Variants in NRIP1 observed in about 807,000 individuals in gnomAD.
NRIP1 encodes the protein nuclear receptor-interacting protein 1.
In NRIP1, 28 loss-of-function variants were observed where a neutral mutation model predicts 75.0. The ratio of observed to expected loss-of-function variants is 0.37; its 90% confidence interval spans 0.28 to 0.51. The LOEUF is 0.51. Ranked by LOEUF, NRIP1 falls within the 20% of genes least tolerant of loss-of-function variation. NRIP1 has a pLI of 0.92. For missense variants in NRIP1, 1,435 were observed against 1,343.7 expected, an observed-to-expected ratio of 1.07 and a Z score of -1.06; for synonymous variants, 526 against 487.6, an observed-to-expected ratio of 1.08 and a Z score of -1.04.
At position 15,055,641 on chromosome 21, in the gene NRIP1, A is replaced by G. The variant is rs145742485; in HGVS notation, c.-538+9104T>C. On this transcript the variant is annotated intron_variant, in intron 1 of 3. Coordinates refer to ENST00000318948, the MANE Select transcript of NRIP1 (RefSeq NM_003489.4). Reference sequence around the variant, plus strand: ...GATTTTACTGCGGGATCCATCACCAAAGGTTATTAACTATTCCTTAACACC... The same window carrying G: ...GATTTTACTGCGGGATCCATCACCAGAGGTTATTAACTATTCCTTAACACC... 1.9e-3 allele frequency among the ~76,000 whole-genome samples: 291 copies of G among 152,296 alleles called. 1 individual carries two copies. The highest frequency in any genetic ancestry group is 3.5e-3 in the East Asian group (18 of 5,180).
At chr21:14,984,669 A>C (rs1264792424) in intron 3 of NRIP1, among the ~76,000 whole-genome samples, 1 of 152,212 alleles carries the variant, frequency 6.6e-6, no homozygotes. Context: ...TGCTATCATC[A>C]AACAGCAACA....
intron 3 of NRIP1, among the ~76,000 whole-genome samples, chr21:14,980,017 T>C (rs2736090): frequency 0.2 from 29,677 of 152,132 alleles, 3,181 homozygotes; most frequent in Non-Finnish European, 0.24. Context: ...CTGCAATGCC[T>C]TGGGTCACTT....
rs142721945 is a variant in NRIP1 at position 14,983,196 on chromosome 21, A to G, written c.-334-14670T>C. On this transcript the variant is annotated intron_variant, in intron 3 of 3. Coordinates refer to ENST00000318948, the MANE Select transcript of NRIP1 (RefSeq NM_003489.4). ...AAAAGCTCAGCCTCTTGCACCAGTT[A>G]ACCAAATTGCAAATACAAAAAAAAA... Among the ~76,000 whole-genome samples, 319 of 152,028 alleles carry G rather than the reference A, an allele frequency of 2.1e-3. 2 individuals are homozygous for G. The highest frequency in any genetic ancestry group is 7.5e-3 in the African/African-American group (309 of 41,442).
At chr21:15,038,510 T>C (rs2088882721) in intron 2 of NRIP1, among the ~76,000 whole-genome samples, 2 of 152,026 alleles carry the variant, frequency 1.3e-5, no homozygotes, top group South Asian at 2.1e-4. Flanking sequence ...CTCAGACTGA[T>C]TACCAACATA....
At chr21:15,036,100 GCTGT>G (rs1179159718) in intron 2 of NRIP1, among the ~76,000 whole-genome samples, 1 of 152,060 alleles carries the variant, frequency 6.6e-6, no homozygotes, top group Non-Finnish European at 1.5e-5. Context: ...CAATAAACAG[GCTGT>G]CTTTCAGAAT....
intron 1 of NRIP1, among the ~76,000 whole-genome samples, chr21:15,062,741 TAACA>T (rs575901509): frequency 5.6e-4 from 85 of 152,136 alleles, no homozygotes; most frequent in Non-Finnish European, 6.5e-4. Context: ...AGCAATAAAC[TAACA>T]AACAGACTCT....
Position 14,966,820 on chromosome 21 carries a change from A to G in NRIP1, c.1373T>C (p.Val458Ala), listed in dbSNP as rs2146933375. Residue 458 changes from valine (V) to alanine (A), a missense_variant, in exon 4 of 4, where the codon GTT becomes GCT. Transcript: ENST00000318948. ...RTEKSESDQP[V>A]SLDNFTQSLL... ...GGATTGAGTGAAGTTATCCAGGGAA[A>G]CAGGTTGGTCAGATTCTGATTTTTC... The G allele has an allele frequency of 2.5e-6, 4 of 1,614,140 alleles. No homozygotes were observed. Among genetic ancestry groups the G allele is most frequent in the Non-Finnish European group, 2.5e-6 (3 of 1,180,002 alleles).
chr21:14,965,402 T>C lies in NRIP1; in HGVS notation c.2791A>G (p.Lys931Glu), dbSNP rs767426197. ...AGCTGTTTCAGAACATTAAAGCTTT[T>C]GCTCTCTCTGGCCCAACTCCTGTGT... ...SEHRSWARESKSFNVLKQLLL... is the reference protein window; with the variant it reads ...SEHRSWARESESFNVLKQLLL... The change falls in exon 4 of 4, where the codon AAA (lysine) becomes GAA (glutamate). Residue 931 changes from lysine (K) to glutamate (E), a missense_variant. Coordinates refer to ENST00000318948, the MANE Select transcript of NRIP1 (RefSeq NM_003489.4). 1 of 1,614,070 alleles carries C rather than the reference T, an allele frequency of 6.2e-7. No individual in the cohort carries two copies. Among genetic ancestry groups the C allele is most frequent in the Non-Finnish European group, 8.5e-7 (1 of 1,179,934 alleles).
intron 3 of NRIP1, among the ~76,000 whole-genome samples, chr21:14,991,818 T>C (rs943490419): frequency 2.0e-5 from 3 of 152,180 alleles, no homozygotes; most frequent in Non-Finnish European, 4.4e-5. Flanking sequence ...ACAATATTAT[T>C]AACACCCAGG....
At chr21:15,065,546 C>G (rs1300222816), upstream of NRIP1, among the ~76,000 whole-genome samples, 1 of 152,140 alleles carries the variant, frequency 6.6e-6, no homozygotes, top group Non-Finnish European at 1.5e-5. Context: ...AACACGCGCT[C>G]TCTGGGCCCC....
Position 14,964,505 on chromosome 21 carries a change from CCAATTGCTAGT to C in NRIP1, c.*200_*210del. 1 of 434,676 alleles carries C rather than the reference CCAATTGCTAGT, an allele frequency of 2.3e-6. No homozygotes were observed. Among genetic ancestry groups the C allele is most frequent in the Non-Finnish European group, 4.0e-6 (1 of 247,486 alleles). 26.9% of individuals were successfully genotyped at this position (434,676 alleles called of 1,614,324 possible). A position where few individuals can be genotyped will look rare whatever the true frequency, so the allele number is the denominator to read the frequency against. Reference sequence around the variant, plus strand: ...TGATGCATACAGAAGTGTTAAACAACCAATTGCTAGTTCAGTAGTTTCCTCATGACATCTAA... The same window carrying C: ...TGATGCATACAGAAGTGTTAAACAACTCAGTAGTTTCCTCATGACATCTAA... On this transcript the variant is annotated 3_prime_UTR_variant, in exon 4 of 4. Coordinates refer to ENST00000318948, the MANE Select transcript of NRIP1 (RefSeq NM_003489.4).
chr21:15,042,264 T>C (rs1018098003), intron 2 of NRIP1, among the ~76,000 whole-genome samples: 2 of 152,226 alleles, frequency 1.3e-5, no homozygotes, highest in Non-Finnish European at 2.9e-5. Context: ...TTTTATTGCA[T>C]GTATTTATGC....
chr21:15,038,110 A>G (rs897647986), intron 2 of NRIP1, among the ~76,000 whole-genome samples: 1 of 152,092 alleles, frequency 6.6e-6, no homozygotes, highest in African/African-American at 2.4e-5. Context: ...GTAATATAAA[A>G]CCAAGAACCT....
intron 3 of NRIP1, among the ~76,000 whole-genome samples, chr21:14,978,479 CA>C (rs2087139746): frequency 6.6e-6 from 1 of 152,106 alleles, no homozygotes; most frequent in Non-Finnish European, 1.5e-5. Flanking sequence ...GAATTGCAAA[CA>C]GATGTTTATT....
chr21:15,003,833 T>C (rs1357891048), intron 3 of NRIP1, among the ~76,000 whole-genome samples: 21 of 152,072 alleles, frequency 1.4e-4, no homozygotes, highest in Non-Finnish European at 3.1e-4. Flanking sequence ...CAGAAGTAAA[T>C]GAAGAACAAT....
chr21:15,059,204 T>C (rs893234886), intron 1 of NRIP1, among the ~76,000 whole-genome samples: 2 of 152,194 alleles, frequency 1.3e-5, no homozygotes, highest in Non-Finnish European at 2.9e-5. Flanking sequence ...AATTCTAGTT[T>C]AATATTTATT....
chr21:15,005,029 C>T (rs969859471), intron 3 of NRIP1, among the ~76,000 whole-genome samples: 2 of 152,132 alleles, frequency 1.3e-5, no homozygotes, highest in African/African-American at 4.8e-5. Flanking sequence ...AAAAGTTTAT[C>T]TGAGAATTTG....
chr21:14,999,581 G>C (rs1173923401), intron 3 of NRIP1, among the ~76,000 whole-genome samples: 1 of 152,088 alleles, frequency 6.6e-6, no homozygotes, highest in African/African-American at 2.4e-5. Flanking sequence ...TAGATGATTT[G>C]TGTTTTAGCC....
rs539278321 is a variant in NRIP1 at position 15,019,470 on chromosome 21, C to CT, written c.-457-5005dup. On this transcript the variant is annotated intron_variant, in intron 2 of 3. Coordinates refer to ENST00000318948, the MANE Select transcript of NRIP1 (RefSeq NM_003489.4). ...ACAAGATCCACAAACAACTGCATTT[C>CT]TTTTTTTTTTTTTTTTTTTTTTTTT... Among the ~76,000 whole-genome samples the CT allele has an allele frequency of 9.1e-3, 353 of 38,696 alleles. 140 individuals carry two copies. The highest frequency in any genetic ancestry group is 0.011 in the Non-Finnish European group (205 of 17,906). 25.4% of individuals were successfully genotyped at this position (38,696 alleles called of 152,430 possible).
Sources: allele counts gnomAD v4.1 joint callset (sites outside exome capture counted in the v4.1 genomes callset), GRCh38; gene constraint gnomAD v4.1.1; transcripts MANE v1.5; gene names NCBI Gene and HGNC (gene_info 2026-07-23, HGNC 2026-07-21).